The following ZNF217 variants were observed in gnomAD, a reference collection of about 807,000 sequenced individuals.
The protein encoded by ZNF217 is zinc finger protein 217.
ZNF217 carries 12 observed loss-of-function variants against 73.3 expected under a neutral mutation model. The observed-to-expected ratio is 0.16, with a 90% CI of 0.10 to 0.27. The LOEUF (loss-of-function observed/expected upper bound fraction) is 0.27, where lower values mean the gene tolerates loss of function less well. Among genes scored for constraint, ZNF217 ranks in the 10% least tolerant of loss-of-function variants. The pLI is 1.00. For missense variants in ZNF217, 1,195 were observed against 1,327.8 expected, an observed-to-expected ratio of 0.90 and a Z score of 1.55; for synonymous variants, 588 against 516.4, an observed-to-expected ratio of 1.14 and a Z score of -1.88.
Position 53,583,187 on chromosome 20 carries a change from A to G in ZNF217, c.-342-19T>C. ...CCAAACCCTAGAGGAAAAAAAACAGAAACGGTTAGCTACACTCAGAGCGAA... is the reference window on the plus strand; with the variant it reads ...CCAAACCCTAGAGGAAAAAAAACAGGAACGGTTAGCTACACTCAGAGCGAA... On this transcript the variant is annotated intron_variant, in intron 1 of 5. Coordinates refer to ENST00000371471, the MANE Select transcript of ZNF217 (RefSeq NM_006526.3). 4.9e-6 allele frequency: 2 copies of G among 409,856 alleles called. No homozygotes were observed. Among genetic ancestry groups the G allele is most frequent in the Non-Finnish European group, 8.6e-6 (2 of 232,206 alleles). The allele number at this position is 409,856 out of a possible 1,614,324, so 25.4% of individuals were successfully genotyped here. A position where few individuals can be genotyped will look rare whatever the true frequency, so the allele number is the denominator to read the frequency against.
At chr20:53,592,857 G>GA (rs1206263695) in intron 1 of ZNF217, among the ~76,000 whole-genome samples, 47 of 143,536 alleles carry the variant, frequency 3.3e-4, no homozygotes, top group East Asian at 3.1e-3. Flanking sequence ...AAAAAGAAAA[G>GA]AAAAAAAAAA....
rs1297696569 is a variant in ZNF217, at chr20:53,593,764, C to T, written c.-351G>A. On this transcript the variant is annotated 5_prime_UTR_variant, in exon 1 of 6. Coordinates refer to ENST00000371471, the MANE Select transcript of ZNF217 (RefSeq NM_006526.3). ...GGGCGCGCCCCCTTTACCTGCGGCT[C>T]CGGCTCCTCGGCCATTTCCTCGCGC... The T allele has an allele frequency of 6.6e-6, 1 of 151,038 alleles. No homozygotes were observed. Among genetic ancestry groups the T allele is most frequent in the African/African-American group, 2.4e-5 (1 of 41,182 alleles). The allele number at this position is 151,038 out of a possible 1,614,324, so 9.4% of individuals were successfully genotyped here.
chr20:53,567,697 A>G lies in ZNF217; in HGVS notation c.*1591T>C, dbSNP rs1987804897. On this transcript the variant is annotated 3_prime_UTR_variant, in exon 6 of 6. Transcript: ENST00000371471. ...ATATGGCTCAGCTTGTGAACAGGAA[A>G]AAAGGTCAATAGTGTACACTTTCCT... The G allele has an allele frequency of 6.6e-6, 1 of 152,648 alleles. No individual in the cohort carries two copies. Among genetic ancestry groups the G allele is most frequent in the Non-Finnish European group, 1.5e-5 (1 of 68,050 alleles). The allele number at this position is 152,648 out of a possible 1,614,324, so 9.5% of individuals were successfully genotyped here.
upstream of ZNF217, among the ~76,000 whole-genome samples, chr20:53,596,952 A>G (rs1026284676): frequency 5.9e-5 from 9 of 152,112 alleles, no homozygotes; most frequent in Non-Finnish European, 8.8e-5. Flanking sequence ...CATATTTCCT[A>G]GTATGCGCTT....
rs779478253 is a variant in ZNF217 at position 53,576,153 on chromosome 20, G to A, written c.2611C>T (p.Pro871Ser). Reference sequence around the variant, plus strand: ...TTGATGTTACTGCTGCCGAGGGTGGGCTGAGAAGGAGCTACTGGAAGAGGT... The same window carrying A: ...TTGATGTTACTGCTGCCGAGGGTGGACTGAGAAGGAGCTACTGGAAGAGGT... ...LKPLPVAPSQ[P>S]TLGSSNINGS... The change falls in exon 4 of 6, where the codon CCC (proline) becomes TCC (serine). Residue 871 changes from proline (P) to serine (S), a missense_variant. Around this residue, in one of 9 missense-constraint regions of ZNF217, gnomAD observed 649 missense variants for 642.8 expected, o/e 1.01. Coordinates refer to ENST00000371471, the MANE Select transcript of ZNF217 (RefSeq NM_006526.3). The A allele has an allele frequency of 6.2e-7, 1 of 1,614,226 alleles. No individual in the cohort carries two copies. Among genetic ancestry groups the A allele is most frequent in the East Asian group, 2.2e-5 (1 of 44,890 alleles).
upstream of ZNF217, among the ~76,000 whole-genome samples, chr20:53,596,827 T>G (rs963410132): frequency 6.6e-6 from 1 of 151,726 alleles, no homozygotes; most frequent in Non-Finnish European, 1.5e-5. Flanking sequence ...AAAGAGAAGC[T>G]CTGCACATGG....
chr20:53,582,959 G>C lies in ZNF217; in HGVS notation c.-133C>G. The C allele has an allele frequency of 1.0e-6, 1 of 969,230 alleles. No homozygotes were observed. Among genetic ancestry groups the C allele is most frequent in the South Asian group, 1.7e-5 (1 of 58,548 alleles). 60.0% of individuals were successfully genotyped at this position (969,230 alleles called of 1,614,324 possible). On this transcript the variant is annotated 5_prime_UTR_variant, in exon 2 of 6. Coordinates refer to ENST00000371471, the MANE Select transcript of ZNF217 (RefSeq NM_006526.3). The surrounding 1 kb of genome is among the most constrained non-coding windows in gnomAD (Gnocchi z 4.8). ...ATTTATTATAAAAGTTCAAAAGAAA[G>C]TGTATAGTCCTCTAACTTCTTCGAA...
chr20:53,573,024 G>A (rs768188742), intron 4 of ZNF217, among the ~76,000 whole-genome samples: 3 of 146,572 alleles, frequency 2.0e-5, no homozygotes, highest in Non-Finnish European at 3.0e-5. Context: ...AGGACCACCC[G>A]CCCCCACCAC....
At chr20:53,591,080 C>T (rs1368285617) in intron 1 of ZNF217, among the ~76,000 whole-genome samples, 1 of 151,056 alleles carries the variant, frequency 6.6e-6, no homozygotes, top group Non-Finnish European at 1.5e-5. Context: ...ACCTGTTAAC[C>T]AAAATAGATT....
Position 53,576,828 on chromosome 20 carries a change from C to T in ZNF217, c.1936G>A (p.Asp646Asn), listed in dbSNP as rs1480485853. Residue 646 changes from aspartate to asparagine, a missense_variant, in exon 4 of 6, where the codon GAT becomes AAT. Asp to Asn is a conservative substitution (Grantham distance 23). This residue lies in a region of ZNF217 where 649 missense variants were observed against 642.8 expected (regional missense o/e 1.01). Transcript: ENST00000371471. ...ANNLICRTKADVTPPPDGSTT... is the reference protein window; with the variant it reads ...ANNLICRTKANVTPPPDGSTT... ...CTGCCATCCGGAGGAGGAGTAACATCCGCCTTGGTTCTACAGATGAGGTTA... is the reference window on the plus strand; with the variant it reads ...CTGCCATCCGGAGGAGGAGTAACATTCGCCTTGGTTCTACAGATGAGGTTA... 1 of 1,614,200 alleles carries T rather than the reference C, an allele frequency of 6.2e-7. No homozygotes were observed. Among genetic ancestry groups the T allele is most frequent in the Non-Finnish European group, 8.5e-7 (1 of 1,180,036 alleles).
At position 53,576,210 on chromosome 20, in the gene ZNF217, C is replaced by T; in HGVS notation, c.2554G>A (p.Asp852Asn). The T allele has an allele frequency of 4.3e-6, 7 of 1,614,214 alleles. No individual in the cohort carries two copies. Among genetic ancestry groups the T allele is most frequent in the Non-Finnish European group, 5.9e-6 (7 of 1,180,042 alleles). The change falls in exon 4 of 6, where the codon GAT becomes AAT. Residue 852 changes from aspartate to asparagine, a missense_variant. This residue lies in a region of ZNF217 where 649 missense variants were observed against 642.8 expected (regional missense o/e 1.01). Coordinates refer to ENST00000371471, the MANE Select transcript of ZNF217 (RefSeq NM_006526.3). ...FPKTSVSPAP[D>N]KTKRPETKLK... ...TTTGTCTCGGGTCTTTTTGTCTTAT[C>T]CGGTGCAGGGGAAACACTGGTTTTA...
At position 53,581,332 on chromosome 20, in the gene ZNF217, TG is replaced by T; in HGVS notation, c.1366+128del. 1 of 1,316,564 alleles carries T rather than the reference TG, an allele frequency of 7.6e-7. No homozygotes were observed. The highest frequency in any genetic ancestry group is 1.0e-6 in the Non-Finnish European group (1 of 976,992). 81.6% of individuals were successfully genotyped at this position (1,316,564 alleles called of 1,614,324 possible). ...ACACAGAGTGATACCAAAAAGAGCCTGGACTTGACTCTGGCTCTCCAAACCC... is the reference window on the plus strand; with the variant it reads ...ACACAGAGTGATACCAAAAAGAGCCTGACTTGACTCTGGCTCTCCAAACCC... On this transcript the variant is annotated intron_variant, in intron 2 of 5. Transcript: ENST00000371471. This position sits in a 1 kb window ranked among gnomAD's most constrained non-coding sequence, Gnocchi z 4.9.
rs1343836726 is a variant in ZNF217, at chr20:53,567,351, C to T, written c.*1937G>A. On this transcript the variant is annotated 3_prime_UTR_variant, in exon 6 of 6. Coordinates refer to ENST00000371471, the MANE Select transcript of ZNF217 (RefSeq NM_006526.3). ...AAAACATATTTTGAAGTACAAAGGG[C>T]TGTAGGAAAATAATTGGTATTTTTA... 3 of 152,468 alleles carry T rather than the reference C, an allele frequency of 2.0e-5. No individual in the cohort carries two copies. The highest frequency in any genetic ancestry group is 4.4e-5 in the Non-Finnish European group (3 of 68,016). The allele number at this position is 152,468 out of a possible 1,614,324, so 9.4% of individuals were successfully genotyped here. A position where few individuals can be genotyped will look rare whatever the true frequency, so the allele number is the denominator to read the frequency against.
Position 53,581,963 on chromosome 20 carries a change from A to G in ZNF217, c.864T>C (p.Pro288=). Residue 288 remains proline (P), a synonymous_variant, in exon 2 of 6, where the codon CCT becomes CCC. Coordinates refer to ENST00000371471, the MANE Select transcript of ZNF217 (RefSeq NM_006526.3). This position sits in a 1 kb window ranked among gnomAD's most constrained non-coding sequence, Gnocchi z 4.9. ...GGAAGGTGGTGAACGGATCGAGCTG[A>G]GGGATGCATCTGACAGGCTTCTTCC... is the stretch of plus-strand genomic sequence containing the variant. ...ETGKKPVRCI[P]QLDPFTTFQA... The G allele has an allele frequency of 1.2e-6, 2 of 1,614,192 alleles. No homozygotes were observed. Among genetic ancestry groups the G allele is most frequent in the Non-Finnish European group, 1.7e-6 (2 of 1,180,032 alleles).
At chr20:53,592,634 C>T (rs1480427599) in intron 1 of ZNF217, among the ~76,000 whole-genome samples, 1 of 151,588 alleles carries the variant, frequency 6.6e-6, no homozygotes, top group Non-Finnish European at 1.5e-5. Context: ...CAGGTTCCGG[C>T]GCGCGCCCCG....
chr20:53,594,720 C>G (rs1199445873), upstream of ZNF217, among the ~76,000 whole-genome samples: 4 of 152,086 alleles, frequency 2.6e-5, no homozygotes, highest in Non-Finnish European at 5.9e-5. Context: ...AAGGTGTGCG[C>G]GGGCGAGGGG....
chr20:53,581,268 G>T lies in ZNF217; in HGVS notation c.1366+193C>A, dbSNP rs550078353. 1.3e-5 allele frequency among the ~76,000 whole-genome samples: 2 copies of T among 152,150 alleles called. No homozygotes were observed. The highest frequency in any genetic ancestry group is 4.8e-5 in the African/African-American group (2 of 41,490). On this transcript the variant is annotated intron_variant, in intron 2 of 5. Coordinates refer to ENST00000371471, the MANE Select transcript of ZNF217 (RefSeq NM_006526.3). The surrounding 1 kb of genome is among the most constrained non-coding windows in gnomAD (Gnocchi z 4.9). ...CTCTTAACTCAACCCTGTTATTACAGAAATGAGAAAATTAAGGCCCTGAGA... is the reference window on the plus strand; with the variant it reads ...CTCTTAACTCAACCCTGTTATTACATAAATGAGAAAATTAAGGCCCTGAGA...
chr20:53,592,739 C>T (rs941144211), intron 1 of ZNF217, among the ~76,000 whole-genome samples: 2 of 151,628 alleles, frequency 1.3e-5, no homozygotes, highest in Non-Finnish European at 2.9e-5. Context: ...TCCACCATCC[C>T]GTCCGGCTCG....
At chr20:53,590,966 A>G (rs976116959) in intron 1 of ZNF217, among the ~76,000 whole-genome samples, 1 of 152,212 alleles carries the variant, frequency 6.6e-6, no homozygotes, top group African/African-American at 2.4e-5. Flanking sequence ...GGAGGCTCAC[A>G]AAGAAAAATG....
Sources: gnomAD v4.1 joint callset for allele counts (sites outside exome capture counted in the v4.1 genomes callset) on GRCh38, gnomAD v4.1.1 for gene constraint, gnomAD v4.1.1 regional missense constraint, Gnocchi (gnomAD v3.1) non-coding constraint, MANE v1.5 for transcripts, NCBI Gene and HGNC (gene_info 2026-07-23, HGNC 2026-07-21) for gene names.